The following KLC1 variants were observed in gnomAD, a reference collection of about 807,000 sequenced individuals.
KLC1 encodes the protein kinesin 2 60/70kDa.
KLC1 carries 30 observed loss-of-function variants against 84.2 expected under a neutral mutation model. The ratio of observed to expected loss-of-function variants is 0.36; its 90% CI spans 0.27 to 0.48. The LOEUF is 0.48. Ranked by LOEUF, KLC1 falls within the 20% of genes least tolerant of loss-of-function variation. The probability of loss-of-function intolerance (pLI) is 0.99; values close to 1 mark genes in which losing one functional copy is unlikely to be tolerated. For missense variants in KLC1, 499 were observed against 805.4 expected, an observed-to-expected ratio of 0.62 and a Z score of 4.60; for synonymous variants, 289 against 293.3, an observed-to-expected ratio of 0.99 and a Z score of 0.15.
In KLC1 at chr14:103,693,794, A is replaced by G. The variant is rs1020692621; in HGVS notation, c.1848+1369A>G. ...AACACCCGGGAGGCCGTGCCTCAGC[A>G]TTCTGTTACTCGGCCTGCAGCCCCA... On this transcript the variant is annotated intron_variant, in intron 15 of 16. Coordinates refer to ENST00000334553, the MANE Select transcript of KLC1 (RefSeq NM_001394837.1). The surrounding 1 kb of genome is among the most constrained non-coding windows in gnomAD (Gnocchi z 5.1). 6.0e-5 allele frequency: 85 copies of G among 1,412,914 alleles called. No individual in the cohort carries two copies. The highest frequency in any genetic ancestry group is 1.3e-4 in the East Asian group (5 of 38,038). The allele number at this position is 1,412,914 out of a possible 1,614,324, so 87.5% of individuals were successfully genotyped here.
chr14:103,656,308 TG>T (rs1381238590), intron 2 of KLC1, among the ~76,000 whole-genome samples: 2 of 152,216 alleles, frequency 1.3e-5, no homozygotes, highest in Admixed American at 1.3e-4. Context: ...CAGTGGGTGA[TG>T]GTCTCTGCAA....
chr14:103,638,803 C>T lies in KLC1; in HGVS notation c.-2+9309C>T, dbSNP rs140053147. ...TATGAACACAGTGGGGGTGTGTGTG[C>T]GTGAGCACAGTGGTGTGTGTATGTA... On this transcript the variant is annotated intron_variant, in intron 1 of 16. Transcript: ENST00000334553. Among the ~76,000 whole-genome samples the T allele has an allele frequency of 1.1e-3, 172 of 150,352 alleles. 2 individuals are homozygous for T. The highest frequency in any genetic ancestry group is 7.8e-4 in the East Asian group (4 of 5,114).
chr14:103,648,479 A>G (rs987088926), intron 1 of KLC1, among the ~76,000 whole-genome samples: 1 of 152,100 alleles, frequency 6.6e-6, no homozygotes, highest in Admixed American at 6.6e-5. Context: ...GATTGAAGTA[A>G]ATCTTTGGAC....
chr14:103,699,032 G>A (rs1243842718), intron 15 of KLC1: 1 of 1,575,652 alleles, frequency 6.3e-7, no homozygotes, highest in Non-Finnish European at 8.6e-7. Flanking sequence ...GAAACAGGAA[G>A]CAGGCAAGCT....
At chr14:103,695,352 TATATATATAC>T in intron 15 of KLC1, 5 of 650,092 alleles carry the variant, frequency 7.7e-6, no homozygotes, top group Non-Finnish European at 9.5e-6. Flanking sequence ...TATATATATA[TATATATATAC>T]ATACATATAT....
Position 103,662,175 on chromosome 14 carries a change from AGAC to A in KLC1, c.556_558del (p.Asp186del). 1 of 1,613,614 alleles carries A rather than the reference AGAC, an allele frequency of 6.2e-7. No homozygotes were observed. The highest frequency in any genetic ancestry group is 8.5e-7 in the Non-Finnish European group (1 of 1,179,522). On this transcript the variant is annotated inframe_deletion, in exon 4 of 17. Transcript: ENST00000334553. ...TGGATGACCTTTTCCCCAATGATGA[AGAC>A]GACCCAGGGCAAGGAAGTGAGTGAT...
chr14:103,657,530 G>A lies in KLC1; in HGVS notation c.262-16G>A, dbSNP rs751613135. 5 of 1,607,348 alleles carry A rather than the reference G, an allele frequency of 3.1e-6. No individual in the cohort carries two copies. The South Asian group carries it at 4.4e-5, about 14-fold the overall frequency. On this transcript the variant is annotated splice_polypyrimidine_tract_variant and intron_variant, in intron 2 of 16. Coordinates refer to ENST00000334553, the MANE Select transcript of KLC1 (RefSeq NM_001394837.1). ...GACAACGTGCCACAGTGCTGCACACGTTTCTGTCTGCTCAGGTTATGATGG... is the reference window on the plus strand; with the variant it reads ...GACAACGTGCCACAGTGCTGCACACATTTCTGTCTGCTCAGGTTATGATGG...
At chr14:103,664,767 G>A (rs927140348) in intron 5 of KLC1, among the ~76,000 whole-genome samples, 5 of 150,314 alleles carry the variant, frequency 3.3e-5, no homozygotes, top group East Asian at 1.9e-4. Flanking sequence ...TGCTCAGCTC[G>A]GTACCCCATA....
chr14:103,644,817 C>G (rs2077776500), intron 1 of KLC1, among the ~76,000 whole-genome samples: 1 of 152,106 alleles, frequency 6.6e-6, no homozygotes, highest in African/African-American at 2.4e-5. Flanking sequence ...TTTGGGGGGT[C>G]AAGTTCTACC....
intron 14 of KLC1, 52 bp from the exon 15 acceptor site, chr14:103,692,307 G>T: frequency 6.6e-7 from 1 of 1,510,064 alleles, no homozygotes; most frequent in Non-Finnish European, 8.9e-7. Flanking sequence ...CCTGTTGCTG[G>T]TTGACCGATG....
chr14:103,690,685 C>T (rs944446241), intron 14 of KLC1, among the ~76,000 whole-genome samples: 8 of 152,336 alleles, frequency 5.3e-5, no homozygotes, highest in African/African-American at 1.9e-4. Context: ...CCCTCAGTAT[C>T]GGTTGCTTTA....
chr14:103,632,402 C>T (rs1157686951), intron 1 of KLC1, among the ~76,000 whole-genome samples: 2 of 150,050 alleles, frequency 1.3e-5, no homozygotes, highest in African/African-American at 4.9e-5. Context: ...TCCAGCCAGA[C>T]TCCGTCTCAA....
At chr14:103,696,093 C>CGGGGGGGGGGGG in intron 15 of KLC1, 1 of 129,312 alleles carries the variant, frequency 7.7e-6, no homozygotes, top group Non-Finnish European at 9.2e-6. Flanking sequence ...AATCACTGCG[C>CGGGGGGGGGGGG]CCCCGCCCCC....
chr14:103,696,574 G>A (rs746866643), intron 15 of KLC1: 5 of 985,358 alleles, frequency 5.1e-6, no homozygotes, highest in South Asian at 4.7e-5. Flanking sequence ...CTGTGTGTAC[G>A]CTGTGGTCAG....
At chr14:103,661,905 C>T (rs1342988018) in intron 3 of KLC1, among the ~76,000 whole-genome samples, 1 of 152,204 alleles carries the variant, frequency 6.6e-6, no homozygotes, top group African/African-American at 2.4e-5. Flanking sequence ...GTGGTCTGCA[C>T]TCAAGTATTT....
chr14:103,663,376 G>A (rs796112777), intron 5 of KLC1, among the ~76,000 whole-genome samples: 5 of 152,206 alleles, frequency 3.3e-5, no homozygotes, highest in African/African-American at 1.2e-4. Context: ...CACCGCGCCC[G>A]GCCTATTTAG....
rs150734581 is a variant in KLC1 at position 103,686,067 on chromosome 14, C to T, written c.1651-1014C>T. ...GTGGTACTTAGAGCCCTGGGGGCCC[C>T]GCTCGGACTCCGGGTCTCCCTAGGA... is the stretch of plus-strand genomic sequence containing the variant. On this transcript the variant is annotated intron_variant, in intron 13 of 16. Coordinates refer to ENST00000334553, the MANE Select transcript of KLC1 (RefSeq NM_001394837.1). 7.9e-4 allele frequency: 806 copies of T among 1,015,132 alleles called. 4 individuals carry two copies. The highest frequency in any genetic ancestry group is 7.7e-3 in the African/African-American group (448 of 58,106). The allele number at this position is 1,015,132 out of a possible 1,614,324, so 62.9% of individuals were successfully genotyped here.
chr14:103,694,398 C>T lies in KLC1; in HGVS notation c.1848+1973C>T, dbSNP rs923304276. The T allele has an allele frequency of 1.4e-4, 134 of 969,150 alleles. No individual in the cohort carries two copies. The highest frequency in any genetic ancestry group is 1.4e-4 in the Non-Finnish European group (117 of 815,298). The allele number at this position is 969,150 out of a possible 1,614,324, so 60.0% of individuals were successfully genotyped here. Reference sequence around the variant, plus strand: ...TCCCGAGTAGCTGGGACTACAGGCACCCGCCAGGCGGATCACAAGGTCAGG... The same window carrying T: ...TCCCGAGTAGCTGGGACTACAGGCATCCGCCAGGCGGATCACAAGGTCAGG... On this transcript the variant is annotated intron_variant, in intron 15 of 16. Coordinates refer to ENST00000334553, the MANE Select transcript of KLC1 (RefSeq NM_001394837.1). This position sits in a 1 kb window ranked among gnomAD's most constrained non-coding sequence, Gnocchi z 4.5.
chr14:103,667,881 G>GT (rs1186595618), intron 5 of KLC1, among the ~76,000 whole-genome samples: 2 of 152,142 alleles, frequency 1.3e-5, no homozygotes, highest in Non-Finnish European at 2.9e-5. Flanking sequence ...GCAAGTACTT[G>GT]TTCTCAGTCA....
Sources: allele counts gnomAD v4.1 joint callset (sites outside exome capture counted in the v4.1 genomes callset), GRCh38; gene constraint gnomAD v4.1.1; non-coding constraint Gnocchi (gnomAD v3.1); transcripts MANE v1.5; gene names NCBI Gene and HGNC (gene_info 2026-07-23, HGNC 2026-07-21).